Variants in IQSEC1 observed in about 807,000 individuals in gnomAD.
IQSEC1 encodes IQ motif and Sec7 domain ArfGEF 1.
Under a neutral mutation model 91.0 loss-of-function variants are expected in IQSEC1, and 31 were observed. That is an observed-to-expected ratio of 0.34 (90% CI 0.26 to 0.46). IQSEC1 has a LOEUF of 0.46. Ranked by LOEUF, IQSEC1 falls within the 20% of genes least tolerant of loss-of-function variation. The pLI, the probability that IQSEC1 is intolerant of heterozygous loss-of-function variation, is 1.00. For synonymous variants in IQSEC1, 699 were observed against 662.6 expected (o/e 1.05, Z -0.84); for missense variants, 1,388 against 1,575.6 (o/e 0.88, Z 2.02).
chr3:13,237,554 G>C (rs1576305941), intron 1 of IQSEC1, among the ~76,000 whole-genome samples: 1 of 152,206 alleles, frequency 6.6e-6, no homozygotes, highest in Non-Finnish European at 1.5e-5. Context: ...TTCCCCCACA[G>C]ACACAGCTGA....
At chr3:12,981,674 G>A (rs886317587) in intron 1 of IQSEC1, among the ~76,000 whole-genome samples, 4 of 152,222 alleles carry the variant, frequency 2.6e-5, no homozygotes. Context: ...GAATTGTGAA[G>A]TATGATTGTA....
chr3:12,954,930 C>A (rs1159537086), intron 1 of IQSEC1, among the ~76,000 whole-genome samples: 1 of 152,230 alleles, frequency 6.6e-6, no homozygotes, highest in African/African-American at 2.4e-5. Context: ...AGCTGGCTGG[C>A]TGTCTTCTTC....
intron 1 of IQSEC1, among the ~76,000 whole-genome samples, chr3:13,050,623 A>T (rs1373181961): frequency 6.6e-6 from 1 of 152,252 alleles, no homozygotes; most frequent in African/African-American, 2.4e-5. Flanking sequence ...AATCCCAGCT[A>T]TGCCACCTAC....
At chr3:13,253,978 C>T (rs1221236453) in intron 1 of IQSEC1, among the ~76,000 whole-genome samples, 1 of 152,192 alleles carries the variant, frequency 6.6e-6, no homozygotes, top group East Asian at 1.9e-4. Flanking sequence ...GGGGCCCCAG[C>T]TTCTGACCAA....
intron 1 of IQSEC1, among the ~76,000 whole-genome samples, chr3:13,267,324 A>G (rs976702987): frequency 6.6e-6 from 1 of 152,236 alleles, no homozygotes; most frequent in Non-Finnish European, 1.5e-5. Context: ...TATAAGCCAC[A>G]TAGTTTATGG....
intron 1 of IQSEC1, among the ~76,000 whole-genome samples, chr3:13,220,741 C>A (rs1694642862): frequency 6.6e-6 from 1 of 152,208 alleles, no homozygotes; most frequent in African/African-American, 2.4e-5. Flanking sequence ...CAGCCAGCAC[C>A]CCAAGTGTGA....
chr3:13,012,619 A>G (rs1057429892), intron 1 of IQSEC1, among the ~76,000 whole-genome samples: 4 of 152,224 alleles, frequency 2.6e-5, no homozygotes, highest in Non-Finnish European at 5.9e-5. Flanking sequence ...ATGTTTTCTG[A>G]GCACTTGCTA....
intron 1 of IQSEC1, among the ~76,000 whole-genome samples, chr3:13,266,774 C>T (rs190218066): frequency 5.9e-5 from 9 of 152,230 alleles, no homozygotes; most frequent in Admixed American, 4.6e-4. Context: ...CAATTAGGGG[C>T]TCACCGTCCT....
chr3:13,021,159 G>A (rs1406838356), intron 1 of IQSEC1, among the ~76,000 whole-genome samples: 2 of 152,152 alleles, frequency 1.3e-5, no homozygotes, highest in East Asian at 1.9e-4. Flanking sequence ...TTCGGGCCCC[G>A]TGTAGTTCCC....
chr3:13,176,979 A>T (rs1693742597), intron 1 of IQSEC1, among the ~76,000 whole-genome samples: 1 of 152,236 alleles, frequency 6.6e-6, no homozygotes, highest in Non-Finnish European at 1.5e-5. Context: ...GATTCCATTG[A>T]CATGAAATGT....
At chr3:13,191,548 G>GCTGGCCTCGAACTC (rs906281270) in intron 1 of IQSEC1, among the ~76,000 whole-genome samples, 1 of 145,170 alleles carries the variant, frequency 6.9e-6, no homozygotes, top group African/African-American at 2.6e-5. Flanking sequence ...TGTTGCCGAG[G>GCTGGCCTCGAACTC]CTGGCCTCGA....
intron 1 of IQSEC1, among the ~76,000 whole-genome samples, chr3:12,959,677 C>T (rs1427771620): frequency 5.3e-5 from 8 of 152,156 alleles, no homozygotes; most frequent in Admixed American, 4.6e-4. Flanking sequence ...CATGACTTTT[C>T]CAAGGCTAGA....
At chr3:13,224,565 C>A (rs1694719424) in intron 1 of IQSEC1, among the ~76,000 whole-genome samples, 1 of 152,142 alleles carries the variant, frequency 6.6e-6, no homozygotes, top group African/African-American at 2.4e-5. Flanking sequence ...CCCCTGAGAG[C>A]ATCTGATCTC....
At chr3:13,060,406 C>T (rs566783326) in intron 1 of IQSEC1, among the ~76,000 whole-genome samples, 9 of 152,182 alleles carry the variant, frequency 5.9e-5, no homozygotes, top group Admixed American at 2.0e-4. Flanking sequence ...CGGGACCTTA[C>T]GGCTGGATCC....
chr3:12,926,232 C>T (rs946941103), intron 3 of IQSEC1, among the ~76,000 whole-genome samples: 1 of 151,770 alleles, frequency 6.6e-6, no homozygotes, highest in Non-Finnish European at 1.5e-5. Context: ...ATCATTTGAA[C>T]TCGGGAGGCG....
chr3:13,227,782 G>A (rs17777863), intron 1 of IQSEC1, among the ~76,000 whole-genome samples: 3,734 of 152,322 alleles, frequency 0.025, 92 homozygotes, highest in African/African-American at 0.068. Flanking sequence ...AGGCAGCAAA[G>A]TGGGGACTTT....
chr3:13,152,526 A>T (rs901359002), intron 2 of IQSEC1, among the ~76,000 whole-genome samples: 1 of 152,168 alleles, frequency 6.6e-6, no homozygotes, highest in African/African-American at 2.4e-5. Flanking sequence ...GCTCTATCTC[A>T]GTAAAAAGCA....
At chr3:13,127,356 G>A (rs1706532315) in intron 2 of IQSEC1, among the ~76,000 whole-genome samples, 1 of 152,120 alleles carries the variant, frequency 6.6e-6, no homozygotes, top group African/African-American at 2.4e-5. Context: ...AGAGGTTGCA[G>A]TGAGCCGAGA....
At chr3:13,156,078 A>G (rs1707081630) in intron 2 of IQSEC1, among the ~76,000 whole-genome samples, 1 of 151,330 alleles carries the variant, frequency 6.6e-6, no homozygotes, top group Admixed American at 6.6e-5. Context: ...AAAAAAAAAA[A>G]AAAAGTAGCT....
Sources: allele counts gnomAD v4.1 joint callset (sites outside exome capture counted in the v4.1 genomes callset), GRCh38; gene constraint gnomAD v4.1.1; transcripts MANE v1.5; gene names NCBI Gene and HGNC (gene_info 2026-07-23, HGNC 2026-07-21).